SDHB: variants seen among roughly 807,000 people sequenced by gnomAD.
SDHB encodes succinate dehydrogenase complex iron sulfur subunit B, also known as succinate dehydrogenase [ubiquinone] iron-sulfur subunit, mitochondrial.
Under a neutral mutation model 39.7 loss-of-function variants are expected in SDHB, and 21 were observed. The ratio of observed to expected loss-of-function variants is 0.53; its 90% CI spans 0.37 to 0.76. The LOEUF (loss-of-function observed/expected upper bound fraction) is 0.76, where lower values mean the gene tolerates loss of function less well. SDHB is among the 30% of genes least tolerant of loss of function. SDHB has a pLI of 0.00. For missense variants in SDHB, 343 were observed against 350.9 expected, an observed-to-expected ratio of 0.98 and a Z score of 0.18; for synonymous variants, 118 against 117.0, an observed-to-expected ratio of 1.01 and a Z score of -0.06.
chr1:17,020,832 G>C (rs2077956804), intron 7 of SDHB, among the ~76,000 whole-genome samples: 1 of 152,234 alleles, frequency 6.6e-6, no homozygotes, highest in Non-Finnish European at 1.5e-5. Flanking sequence ...CCAGGCAATA[G>C]GGAGCTGAAG....
intron 1 of SDHB, among the ~76,000 whole-genome samples, chr1:17,053,377 G>T (rs888582993): frequency 4.6e-5 from 7 of 152,038 alleles, no homozygotes; most frequent in African/African-American, 1.7e-4. Context: ...AGTCTTTCCT[G>T]CAACCCCCAC....
intron 7 of SDHB, 49 bp downstream of exon 7, chr1:17,022,559 C>T: frequency 6.2e-7 from 1 of 1,610,762 alleles, no homozygotes; most frequent in Non-Finnish European, 8.5e-7. Flanking sequence ...CATGCTACTT[C>T]TGGCGTGTCA....
rs375234539 is a variant in SDHB, at chr1:17,047,681, T to TAA, written c.73-2795_73-2794dup. ...CTGGGTGACAAAGTGAAACTCAAGC[T>TAA]AAAAAAAAAAAAAAAAGAGAGAGAG... On this transcript the variant is annotated intron_variant, in intron 1 of 7. Transcript: ENST00000375499. Among the ~76,000 whole-genome samples, 831 of 132,974 alleles carry TAA rather than the reference T, an allele frequency of 6.2e-3. 3 individuals are homozygous for TAA. The highest frequency in any genetic ancestry group is 8.8e-3 in the Non-Finnish European group (554 of 62,866). 87.2% of individuals were successfully genotyped at this position (132,974 alleles called of 152,430 possible).
At chr1:17,038,585 C>T (rs1020869808) in intron 2 of SDHB, among the ~76,000 whole-genome samples, 9 of 152,164 alleles carry the variant, frequency 5.9e-5, no homozygotes, top group Admixed American at 5.9e-4. Flanking sequence ...CTGGCTAGAA[C>T]CTTCAGTACA....
intron 2 of SDHB, among the ~76,000 whole-genome samples, chr1:17,039,936 A>T (rs1184511262): frequency 3.9e-5 from 6 of 152,210 alleles, no homozygotes; most frequent in Non-Finnish European, 8.8e-5. Context: ...CTAAGAGCCA[A>T]GTTTCCACCT....
intron 5 of SDHB, among the ~76,000 whole-genome samples, chr1:17,026,824 G>A (rs760661700): frequency 1.5e-4 from 23 of 151,920 alleles, no homozygotes; most frequent in Admixed American, 5.9e-4. Flanking sequence ...TATGTTGCCC[G>A]GGCTGGCCTC....
chr1:17,039,897 T>A (rs1293022120), intron 2 of SDHB, among the ~76,000 whole-genome samples: 2 of 152,192 alleles, frequency 1.3e-5, no homozygotes, highest in Admixed American at 1.3e-4. Context: ...CTTTTATATC[T>A]ACTATGTCCA....
chr1:17,053,128 T>TCCC (rs753270256), intron 1 of SDHB, among the ~76,000 whole-genome samples: 3 of 152,114 alleles, frequency 2.0e-5, no homozygotes, highest in Non-Finnish European at 4.4e-5. Context: ...CAATTTCCCT[T>TCCC]CCCCTTCTAA....
At chr1:17,052,012 T>A (rs1048831868) in intron 1 of SDHB, among the ~76,000 whole-genome samples, 10 of 150,306 alleles carry the variant, frequency 6.7e-5, no homozygotes, top group African/African-American at 9.8e-5. Flanking sequence ...CAGCTAATTT[T>A]TTTTTTATTT....
At chr1:17,027,632 C>T (rs2077998343) in intron 5 of SDHB, 117 bp downstream of exon 5, 3 of 772,056 alleles carry the variant, frequency 3.9e-6, no homozygotes, top group Non-Finnish European at 7.0e-6. Context: ...GTGCCAGTTC[C>T]TCTCCAGAAT....
At chr1:17,027,196 T>C (rs893898021) in intron 5 of SDHB, among the ~76,000 whole-genome samples, 10 of 152,170 alleles carry the variant, frequency 6.6e-5, no homozygotes, top group African/African-American at 1.7e-4. Context: ...GAAAACTTGA[T>C]AATGATGCCT....
rs2101541312 is a variant in SDHB, at chr1:17,044,764, T to C, written c.197A>G (p.Asn66Ser). Residue 66 changes from asparagine (N) to serine (S), a missense_variant, in exon 2 of 8, where the codon AAT (asparagine) becomes AGT (serine). Asn to Ser is a conservative substitution (Grantham distance 46). Coordinates refer to ENST00000375499, the MANE Select transcript of SDHB (RefSeq NM_003000.3). Reference sequence around the variant, plus strand: ...TGGCTTTCACAGAGATACTCACTTATTAAGGTCAACTTCATAAGTCTGCAT... The same window carrying C: ...TGGCTTTCACAGAGATACTCACTTACTAAGGTCAACTTCATAAGTCTGCAT... ...PHMQTYEVDLNKCGPMVLDAL... is the reference protein window; with the variant it reads ...PHMQTYEVDLSKCGPMVLDAL... 1.2e-6 allele frequency: 2 copies of C among 1,614,126 alleles called. No homozygotes were observed. The highest frequency in any genetic ancestry group is 1.7e-6 in the Non-Finnish European group (2 of 1,179,980).
Position 17,042,081 on chromosome 1 carries a change from C to G in SDHB, c.200+2680G>C, listed in dbSNP as rs369040549. Among the ~76,000 whole-genome samples the G allele has an allele frequency of 1.9e-4, 29 of 152,194 alleles. No individual in the cohort carries two copies. The East Asian group carries it at 4.7e-3, about 24-fold the overall frequency. ...GGATTACAGGCATGTGCCACCATGC[C>G]TGGCTAATTTTTATATTTTTAGTAG... is the stretch of plus-strand genomic sequence containing the variant. On this transcript the variant is annotated intron_variant, in intron 2 of 7. Coordinates refer to ENST00000375499, the MANE Select transcript of SDHB (RefSeq NM_003000.3).
At chr1:17,025,826 G>A (rs1040386090) in intron 5 of SDHB, among the ~76,000 whole-genome samples, 1 of 152,152 alleles carries the variant, frequency 6.6e-6, no homozygotes, top group African/African-American at 2.4e-5. Flanking sequence ...TCTATTACAG[G>A]TTGGGCATCC....
intron 2 of SDHB, 77 bp from the exon 3 acceptor site, chr1:17,033,222 A>G (rs1307714763): frequency 8.9e-6 from 10 of 1,117,460 alleles, no homozygotes; most frequent in Non-Finnish European, 1.4e-5. Flanking sequence ...AATCGGAGAC[A>G]CCTGGATGTA....
intron 1 of SDHB, among the ~76,000 whole-genome samples, chr1:17,049,004 C>A (rs1406422356): frequency 6.6e-6 from 1 of 151,956 alleles, no homozygotes; most frequent in Non-Finnish European, 1.5e-5. Context: ...GGCCACCTTG[C>A]CCGGCCTTTA....
intron 1 of SDHB, among the ~76,000 whole-genome samples, chr1:17,048,615 T>C (rs1044161811): frequency 1.3e-5 from 2 of 152,170 alleles, no homozygotes; most frequent in Non-Finnish European, 2.9e-5. Context: ...GATAGTAGGG[T>C]AAGTGGGACA....
At chr1:17,035,925 C>T (rs1277006318) in intron 2 of SDHB, among the ~76,000 whole-genome samples, 1 of 151,994 alleles carries the variant, frequency 6.6e-6, no homozygotes, top group Non-Finnish European at 1.5e-5. Flanking sequence ...AGTAATCCTG[C>T]AGATCATACT....
chr1:17,054,011 C>G lies in SDHB; in HGVS notation c.9G>C (p.Ala3=), dbSNP rs1350879010. 6.2e-7 allele frequency: 1 copy of G among 1,610,854 alleles called. No individual in the cohort carries two copies. The highest frequency in any genetic ancestry group is 1.1e-5 in the South Asian group (1 of 90,588). The change falls in exon 1 of 8, where the codon GCG becomes GCC. Residue 3 remains alanine (A), a synonymous_variant. Coordinates refer to ENST00000375499, the MANE Select transcript of SDHB (RefSeq NM_003000.3). MA[A]VVALSLRRRL... is the part of the protein sequence containing the mutation. ...GGCGCCTCAAGGAGAGGGCGACCAC[C>G]GCCGCCATCTTGGCTCCTGACGTCA...
Sources: gnomAD v4.1 joint callset for allele counts (sites outside exome capture counted in the v4.1 genomes callset) on GRCh38, gnomAD v4.1.1 for gene constraint, MANE v1.5 for transcripts, NCBI Gene and HGNC (gene_info 2026-07-23, HGNC 2026-07-21) for gene names.